Variants in PGS1 observed in about 807,000 individuals in gnomAD.
The protein encoded by PGS1 is CDP-diacylglycerol--glycerol-3-phosphate 3-phosphatidyltransferase, mitochondrial.
A neutral mutation model predicts 58.3 loss-of-function variants in PGS1; 44 were observed. The observed-to-expected ratio is 0.75, with a 90% CI of 0.59 to 0.97. PGS1 has a LOEUF of 0.97. Ranked by LOEUF, PGS1 falls within the 50% of genes least tolerant of loss-of-function variation. The probability of loss-of-function intolerance (pLI) is 0.00; values close to 1 mark genes in which losing one functional copy is unlikely to be tolerated. For missense variants in PGS1, 684 were observed against 731.1 expected (o/e 0.94, Z 0.74); for synonymous variants, 330 against 311.0 (o/e 1.06, Z -0.64).
intron 9 of PGS1, chr17:78,420,334 A>ACTGT (rs2146350577): frequency 1.7e-6 from 1 of 602,646 alleles, no homozygotes; most frequent in Non-Finnish European, 2.1e-6. Flanking sequence ...GTACCCCTGG[A>ACTGT]CTGTCTTGAC....
chr17:78,394,511 A>T (rs571476200), intron 2 of PGS1, among the ~76,000 whole-genome samples: 1 of 150,928 alleles, frequency 6.6e-6, no homozygotes, highest in East Asian at 1.9e-4. Context: ...TTTGCTCCTA[A>T]TTGATTTTCT....
intron 9 of PGS1, chr17:78,423,724 C>G (rs1327779311): frequency 1.3e-6 from 1 of 744,934 alleles, no homozygotes; most frequent in Non-Finnish European, 2.2e-6. Context: ...TTTAATCTGC[C>G]CCACCTCTTC....
chr17:78,412,288 G>A (rs7225914), intron 7 of PGS1, among the ~76,000 whole-genome samples: 23,117 of 152,052 alleles, frequency 0.15, 1,871 homozygotes, highest in Middle Eastern at 0.21. Flanking sequence ...AAAGATTGCA[G>A]TGCAAATAAT....
chr17:78,397,932 G>T lies in PGS1; in HGVS notation c.412-320G>T, dbSNP rs116211667. 751 of 439,214 alleles carry T rather than the reference G, an allele frequency of 1.7e-3. 4 individuals are homozygous for T. The highest frequency in any genetic ancestry group is 0.012 in the African/African-American group (588 of 49,450). The allele number at this position is 439,214 out of a possible 1,614,324, so 27.2% of individuals were successfully genotyped here. On this transcript the variant is annotated intron_variant, in intron 3 of 9. Coordinates refer to ENST00000262764, the MANE Select transcript of PGS1 (RefSeq NM_024419.5). Reference sequence around the variant, plus strand: ...TTGGTTGTGTCTGTGAGGATTGTCTGTGTTGAAATGTACGTGAGACCTGGT... The same window carrying T: ...TTGGTTGTGTCTGTGAGGATTGTCTTTGTTGAAATGTACGTGAGACCTGGT...
At chr17:78,418,317 C>T (rs546319027) in intron 8 of PGS1, among the ~76,000 whole-genome samples, 1 of 152,300 alleles carries the variant, frequency 6.6e-6, no homozygotes, top group Non-Finnish European at 1.5e-5. Context: ...AAGAAACTAA[C>T]CCTTTCTGTA....
At chr17:78,399,301 C>T (rs376668361) in intron 4 of PGS1, 47 bp from the exon 5 acceptor site, 103 of 1,491,592 alleles carry the variant, frequency 6.9e-5, no homozygotes, top group Non-Finnish European at 8.7e-5. Context: ...GGGGGCAGGA[C>T]GCCTTCCTGT....
intron 4 of PGS1, 60 bp from the exon 5 acceptor site, chr17:78,399,288 A>AGGTGCCG (rs2146200036): frequency 2.2e-6 from 3 of 1,390,368 alleles, no homozygotes; most frequent in Non-Finnish European, 1.0e-6. Context: ...GTGGCTCCTC[A>AGGTGCCG]TTGGGGGCAG....
In PGS1 at chr17:78,396,211, C is replaced by T. The variant is rs183824788; in HGVS notation, c.334-97C>T. 1,529 of 856,714 alleles carry T rather than the reference C, an allele frequency of 1.8e-3. 4 individuals carry two copies. Among genetic ancestry groups the T allele is most frequent in the Non-Finnish European group, 2.4e-3 (1,223 of 503,114 alleles). 53.1% of individuals were successfully genotyped at this position (856,714 alleles called of 1,614,324 possible). A position where few individuals can be genotyped will look rare whatever the true frequency, so the allele number is the denominator to read the frequency against. On this transcript the variant is annotated intron_variant, in intron 2 of 9. Coordinates refer to ENST00000262764, the MANE Select transcript of PGS1 (RefSeq NM_024419.5). ...TTGGTGAAGACATAGGATAGTTCAG[C>T]TTGGAGTGGGATTTGCCTCCCAGGT...
chr17:78,399,662 G>A, intron 5 of PGS1, 125 bp downstream of exon 5: 2 of 883,080 alleles, frequency 2.3e-6, no homozygotes, highest in Non-Finnish European at 3.5e-6. Flanking sequence ...TCTGGCTGCT[G>A]TGCACCCGCG....
intron 9 of PGS1, among the ~76,000 whole-genome samples, chr17:78,423,341 G>C (rs927442733): frequency 2.0e-5 from 3 of 152,178 alleles, no homozygotes; most frequent in Non-Finnish European, 4.4e-5. Context: ...TAGACTCTGG[G>C]GGCGGGGGCT....
chr17:78,423,536 T>C (rs1472114830), intron 9 of PGS1, among the ~76,000 whole-genome samples: 3 of 152,166 alleles, frequency 2.0e-5, no homozygotes, highest in Non-Finnish European at 4.4e-5. Context: ...CCCCACATGC[T>C]GCTCCTGTTA....
intron 4 of PGS1, among the ~76,000 whole-genome samples, chr17:78,399,066 C>G (rs1335424303): frequency 1.3e-5 from 2 of 152,142 alleles, no homozygotes; most frequent in Non-Finnish European, 2.9e-5. Context: ...GGGTAGTGCC[C>G]CAGGAGAAGG....
Position 78,400,839 on chromosome 17 carries a change from G to A in PGS1, c.864G>A (p.Met288Ile). ...GDDTVQVVDG[M>I]VHPYKGDRAE... ...ACACGGTGCAGGTGGTGGATGGGAT[G>A]GTGCATCCTTACAAAGGTAGGGGCT... is the stretch of plus-strand genomic sequence containing the variant. The change falls in exon 6 of 10, where the codon ATG (methionine) becomes ATA (isoleucine). Residue 288 changes from methionine to isoleucine, a missense_variant. By Grantham distance (10) the Met-to-Ile change is conservative. Coordinates refer to ENST00000262764, the MANE Select transcript of PGS1 (RefSeq NM_024419.5). The surrounding 1 kb of genome is among the most constrained non-coding windows in gnomAD (Gnocchi z 4.4). 6.2e-7 allele frequency: 1 copy of A among 1,605,914 alleles called. No individual in the cohort carries two copies. Among genetic ancestry groups the A allele is most frequent in the Non-Finnish European group, 8.5e-7 (1 of 1,174,658 alleles).
intron 3 of PGS1, 38 bp from the exon 4 acceptor site, chr17:78,398,214 T>G (rs981929436): frequency 7.1e-7 from 1 of 1,410,070 alleles, no homozygotes; most frequent in Admixed American, 1.7e-5. Context: ...CACACCTCTT[T>G]GGGTCTTAAT....
At chr17:78,392,905 C>G (rs1032098639) in intron 2 of PGS1, among the ~76,000 whole-genome samples, 2 of 152,116 alleles carry the variant, frequency 1.3e-5, no homozygotes, top group South Asian at 2.1e-4. Flanking sequence ...GAACAAGGAC[C>G]TAGACCTTAT....
chr17:78,404,743 C>T (rs2083980484), intron 7 of PGS1, among the ~76,000 whole-genome samples: 1 of 152,152 alleles, frequency 6.6e-6, no homozygotes, highest in Non-Finnish European at 1.5e-5. Flanking sequence ...TCACCGCAAC[C>T]TCCTCCTCCT....
chr17:78,418,752 G>A (rs1363434379), intron 8 of PGS1, among the ~76,000 whole-genome samples: 2 of 152,070 alleles, frequency 1.3e-5, no homozygotes, highest in African/African-American at 4.8e-5. Context: ...TCTAGAGGAT[G>A]ACTTGTCCCC....
chr17:78,381,540 G>A (rs2082037464), intron 1 of PGS1, among the ~76,000 whole-genome samples: 7 of 152,182 alleles, frequency 4.6e-5, no homozygotes, highest in Admixed American at 4.6e-4. Flanking sequence ...ATTAGCTGCT[G>A]ACTTTGCTTT....
intron 1 of PGS1, among the ~76,000 whole-genome samples, chr17:78,384,059 T>C (rs1015932017): frequency 2.0e-5 from 3 of 152,250 alleles, no homozygotes; most frequent in African/African-American, 7.2e-5. Context: ...GGCACTTTGA[T>C]GTGCCTGGTG....
Sources: allele counts gnomAD v4.1 joint callset (sites outside exome capture counted in the v4.1 genomes callset), GRCh38; gene constraint gnomAD v4.1.1; non-coding constraint Gnocchi (gnomAD v3.1); transcripts MANE v1.5; gene names NCBI Gene and HGNC (gene_info 2026-07-23, HGNC 2026-07-21).